Variants in DMD observed in about 807,000 individuals in gnomAD.
DMD encodes the protein mutant dystrophin.
In DMD, 63 loss-of-function variants were observed where a neutral mutation model predicts 330.1. The ratio of observed to expected loss-of-function variants is 0.19; its 90% CI spans 0.16 to 0.24. The LOEUF (loss-of-function observed/expected upper bound fraction) is 0.24, where lower values mean the gene tolerates loss of function less well. DMD is among the 10% of genes least tolerant of loss of function. The probability of loss-of-function intolerance (pLI) is 1.00; values close to 1 mark genes in which losing one functional copy is unlikely to be tolerated. For missense variants in DMD, 3,344 were observed against 2,684.1 expected, an observed-to-expected ratio of 1.25 and a Z score of -5.43; for synonymous variants, 1,223 against 959.8, an observed-to-expected ratio of 1.27 and a Z score of -5.07.
At chrX:31,388,194 G>A (rs1420481987) in intron 60 of DMD, among the ~76,000 whole-genome samples, 9 of 108,188 alleles carry the variant, frequency 8.3e-5, no homozygotes, top group Non-Finnish European at 1.3e-4. Context: ...TAGTAGAGAC[G>A]GAGTTTCACC....
intron 65 of DMD, among the ~76,000 whole-genome samples, chrX:31,208,528 A>G (rs1456394978): frequency 8.9e-6 from 1 of 112,080 alleles, no homozygotes; most frequent in Admixed American, 9.5e-5. Flanking sequence ...GAAATCCGAC[A>G]TGTTCAAGGA....
At chrX:31,340,116 T>A (rs1046686415) in intron 61 of DMD, among the ~76,000 whole-genome samples, 55 of 112,377 alleles carry the variant, frequency 4.9e-4, no homozygotes, top group African/African-American at 1.7e-3. Flanking sequence ...TGCTAGGCCC[T>A]ATGTATCAAG....
At chrX:31,353,395 A>G (rs139846915) in intron 60 of DMD, among the ~76,000 whole-genome samples, 1,382 of 111,574 alleles carry the variant, frequency 0.012, 20 homozygotes, top group African/African-American at 0.043. Context: ...TCGAAAGGGC[A>G]CCTGAGACTG....
At chrX:32,622,224 G>A in intron 11 of DMD, among the ~76,000 whole-genome samples, 1 of 111,650 alleles carries the variant, frequency 9.0e-6, no homozygotes, top group Non-Finnish European at 1.9e-5. Flanking sequence ...CAAAAAGCAG[G>A]ATTTCATGTG....
intron 44 of DMD, among the ~76,000 whole-genome samples, chrX:31,972,430 T>C (rs1385654718): frequency 9.0e-6 from 1 of 111,493 alleles, no homozygotes; most frequent in East Asian, 2.8e-4. Context: ...TGTAAAACTT[T>C]CCAAAACTGC....
chrX:31,655,103 T>C (rs923461885), intron 54 of DMD, among the ~76,000 whole-genome samples: 1 of 111,640 alleles, frequency 9.0e-6, no homozygotes, highest in Non-Finnish European at 1.9e-5. Flanking sequence ...AACCCATTTA[T>C]GCCTAAGGTT....
chrX:32,948,113 G>GACACACACAC lies in DMD; in HGVS notation c.93+72016_93+72025dup, dbSNP rs3083093. 9.4e-5 allele frequency among the ~76,000 whole-genome samples: 9 copies of GACACACACAC among 95,980 alleles called. No homozygotes were observed. In the East Asian group the frequency reaches 1.7e-3, roughly 18 times the overall value. 83.3% of individuals were successfully genotyped at this position (95,980 alleles called of 115,157 possible). On this transcript the variant is annotated intron_variant, in intron 2 of 78. Coordinates refer to ENST00000357033, the MANE Select transcript of DMD (RefSeq NM_004006.3). ...CTCAAAATTGACAGTGAGAGAAACAGACACACACACACACACACACACACA... is the reference window on the plus strand; with the variant it reads ...CTCAAAATTGACAGTGAGAGAAACAGACACACACACACACACACACACACACACACACACA...
At position 32,107,495 on chromosome X, in the gene DMD, T is replaced by C. The variant is rs376487395; in HGVS notation, c.6438+109421A>G. ...CAAGCTGGAGACCCGAGAGAGCTGA[T>C]AGTGTAGTTCCAATCGAAGTAGAGC... is the stretch of plus-strand genomic sequence containing the variant. On this transcript the variant is annotated intron_variant, in intron 44 of 78. Coordinates refer to ENST00000357033, the MANE Select transcript of DMD (RefSeq NM_004006.3). Among the ~76,000 whole-genome samples, 8 of 108,517 alleles carry C rather than the reference T, an allele frequency of 7.4e-5. No homozygotes were observed. In the East Asian group the frequency reaches 2.0e-3, roughly 28 times the overall value. The allele number at this position is 108,517 out of a possible 115,157, so 94.2% of individuals were successfully genotyped here. A position where few individuals can be genotyped will look rare whatever the true frequency, so the allele number is the denominator to read the frequency against.
intron 47 of DMD, among the ~76,000 whole-genome samples, chrX:31,925,075 T>C (rs1242698667): frequency 8.9e-6 from 1 of 112,164 alleles, no homozygotes; most frequent in South Asian, 3.6e-4. Flanking sequence ...TACACAACTG[T>C]AAATGTTCCA....
intron 1 of DMD, among the ~76,000 whole-genome samples, chrX:33,094,615 T>C (rs940932436): frequency 9.0e-6 from 1 of 110,889 alleles, no homozygotes; most frequent in African/African-American, 3.3e-5. Context: ...AAGACCAGCC[T>C]GGCCAACATG....
chrX:32,870,299 T>C (rs1603451163), intron 2 of DMD, among the ~76,000 whole-genome samples: 1 of 111,573 alleles, frequency 9.0e-6, no homozygotes, highest in South Asian at 3.7e-4. Flanking sequence ...CACAAACAAA[T>C]GGAAGAACAT....
At chrX:31,196,782 C>T (rs1462548097) in intron 67 of DMD, among the ~76,000 whole-genome samples, 1 of 81,706 alleles carries the variant, frequency 1.2e-5, no homozygotes, top group Non-Finnish European at 2.2e-5. Context: ...GATGGCACCA[C>T]TGGACTCCAG....
At chrX:32,891,845 G>A (rs913505065) in intron 2 of DMD, among the ~76,000 whole-genome samples, 1 of 111,588 alleles carries the variant, frequency 9.0e-6, no homozygotes, top group Admixed American at 9.5e-5. Flanking sequence ...GCCATAGTCT[G>A]ATTTGAGGTT....
chrX:33,070,464 C>T (rs964844173), intron 1 of DMD, among the ~76,000 whole-genome samples: 1 of 109,577 alleles, frequency 9.1e-6, no homozygotes, highest in African/African-American at 3.3e-5. Context: ...ACAGTAAATA[C>T]TACAGGAACT....
chrX:32,029,815 T>C (rs904418968), intron 44 of DMD, among the ~76,000 whole-genome samples: 2 of 112,109 alleles, frequency 1.8e-5, no homozygotes, highest in African/African-American at 6.5e-5. Flanking sequence ...TGTTAGTCTA[T>C]GTGGATGGTC....
At chrX:32,690,981 C>A (rs1341664907) in intron 9 of DMD, among the ~76,000 whole-genome samples, 1 of 110,999 alleles carries the variant, frequency 9.0e-6, no homozygotes, top group African/African-American at 3.3e-5. Context: ...AGAATTAAGA[C>A]TACATAAAAC....
rs541877176 is a variant in DMD, at chrX:32,996,016, G to A, written c.93+24123C>T. ...TAAAGCTGAGATAAAAACGTTAAAT[G>A]TAAGAGTCAATTGCAAGGTCATTTT... On this transcript the variant is annotated intron_variant, in intron 2 of 78. Coordinates refer to ENST00000357033, the MANE Select transcript of DMD (RefSeq NM_004006.3). Among the ~76,000 whole-genome samples, 3 of 112,019 alleles carry A rather than the reference G, an allele frequency of 2.7e-5. No individual in the cohort carries two copies. The South Asian group carries it at 1.1e-3, about 42-fold the overall frequency.
chrX:32,336,769 T>C (rs2097717712), intron 41 of DMD, among the ~76,000 whole-genome samples: 1 of 112,260 alleles, frequency 8.9e-6, no homozygotes, highest in Non-Finnish European at 1.9e-5. Context: ...TATGCAAAAT[T>C]CTAGGTGAAA....
intron 44 of DMD, among the ~76,000 whole-genome samples, chrX:31,988,998 T>C (rs1305492691): frequency 8.9e-6 from 1 of 111,942 alleles, no homozygotes; most frequent in Non-Finnish European, 1.9e-5. Flanking sequence ...GGCTTAAGAC[T>C]CAAGAAGACC....
Sources: gnomAD v4.1 joint callset for allele counts (sites outside exome capture counted in the v4.1 genomes callset) on GRCh38, gnomAD v4.1.1 for gene constraint, MANE v1.5 for transcripts, NCBI Gene and HGNC (gene_info 2026-07-23, HGNC 2026-07-21) for gene names.